The following AMD1 variants were observed in gnomAD, a reference collection of about 807,000 sequenced individuals.
AMD1 encodes adenosylmethionine decarboxylase 1, also known as S-adenosylmethionine decarboxylase proenzyme.
In AMD1, 11 loss-of-function variants were observed where a neutral mutation model predicts 40.2. That is an observed-to-expected ratio of 0.27 (90% CI 0.17 to 0.45). The LOEUF is 0.45. AMD1 is among the 20% of genes least tolerant of loss of function. The probability of loss-of-function intolerance (pLI) is 1.00; values close to 1 mark genes in which losing one functional copy is unlikely to be tolerated. For missense variants in AMD1, 257 were observed against 410.2 expected, an observed-to-expected ratio of 0.63 and a Z score of 3.23; for synonymous variants, 121 against 130.8, an observed-to-expected ratio of 0.93 and a Z score of 0.51.
the AMD1 span, among the ~76,000 whole-genome samples, chr6:110,853,262 A>G: frequency 6.6e-6 from 1 of 151,020 alleles, no homozygotes; most frequent in African/African-American, 2.4e-5. Context: ...AGCTGAGACT[A>G]CAGGTGTGTA....
the AMD1 span, among the ~76,000 whole-genome samples, chr6:110,853,011 G>A: frequency 1.2e-4 from 15 of 128,132 alleles, 1 homozygote; most frequent in South Asian, 3.7e-3. Flanking sequence ...TTTAGTGTGT[G>A]TGACTCACTT....
In AMD1 at chr6:110,880,175, T is replaced by G. The variant is rs538001587; in HGVS notation, c.110+4960T>G. On this transcript the variant is annotated intron_variant, in intron 1 of 8. Transcript: ENST00000368885. Reference sequence around the variant, plus strand: ...TTTCGCCATGTTGGCTAGGCTGGTCTTGAACTCCTGACTTCAAGTGATTGA... The same window carrying G: ...TTTCGCCATGTTGGCTAGGCTGGTCGTGAACTCCTGACTTCAAGTGATTGA... Among the ~76,000 whole-genome samples the G allele has an allele frequency of 7.7e-4, 117 of 152,318 alleles. 2 individuals are homozygous for G. In the South Asian group the frequency reaches 0.013, roughly 17 times the overall value.
chr6:110,859,077 C>T, the AMD1 span: 1 of 1,280,432 alleles, frequency 7.8e-7, no homozygotes, highest in South Asian at 1.2e-5. Context: ...CGACAGGGCT[C>T]CCTCGGGCGC....
chr6:110,826,722 C>T, the AMD1 span, among the ~76,000 whole-genome samples: 9 of 143,032 alleles, frequency 6.3e-5, 1 homozygote, highest in Non-Finnish European at 1.4e-4. Flanking sequence ...CGGAGTTTCA[C>T]TCTTGTTGGC....
the AMD1 span, among the ~76,000 whole-genome samples, chr6:110,853,123 CTTTTTTTCTTTT>C: frequency 3.4e-5 from 5 of 148,394 alleles, no homozygotes; most frequent in East Asian, 5.9e-4. Context: ...TCTTTTCTTT[CTTTTTTTCTTTT>C]TTTTTGAGAC....
the AMD1 span, among the ~76,000 whole-genome samples, chr6:110,827,487 G>A: frequency 1.3e-5 from 2 of 152,018 alleles, no homozygotes; most frequent in South Asian, 2.1e-4. Flanking sequence ...ACAAGAGGCC[G>A]GGTGTGGTGG....
At chr6:110,835,011 T>C in the AMD1 span, among the ~76,000 whole-genome samples, 9 of 146,876 alleles carry the variant, frequency 6.1e-5, no homozygotes, top group African/African-American at 2.3e-4. Context: ...CAGATAATTA[T>C]GCGGATACTA....
chr6:110,862,883 G>A, the AMD1 span, among the ~76,000 whole-genome samples: 4 of 152,266 alleles, frequency 2.6e-5, no homozygotes, highest in Admixed American at 6.5e-5. Flanking sequence ...CTTGGCTTGT[G>A]GACTTGTGGT....
At chr6:110,834,696 C>T in the AMD1 span, among the ~76,000 whole-genome samples, 1 of 151,858 alleles carries the variant, frequency 6.6e-6, no homozygotes, top group Admixed American at 6.6e-5. Flanking sequence ...CTGTGGCTCA[C>T]GTCTGTAATC....
chr6:110,880,917 C>T (rs1785376018), intron 1 of AMD1, among the ~76,000 whole-genome samples: 4 of 152,150 alleles, frequency 2.6e-5, no homozygotes, highest in African/African-American at 7.2e-5. Context: ...AGTGATCCGC[C>T]TGCCTCGGGC....
At chr6:110,833,586 C>T in the AMD1 span, among the ~76,000 whole-genome samples, 1 of 152,166 alleles carries the variant, frequency 6.6e-6, no homozygotes, top group African/African-American at 2.4e-5. Flanking sequence ...ATAAGTATAA[C>T]TCAGCATATA....
intron 1 of AMD1, among the ~76,000 whole-genome samples, chr6:110,878,337 G>C (rs1271527489): frequency 6.6e-6 from 1 of 152,154 alleles, no homozygotes; most frequent in Non-Finnish European, 1.5e-5. Context: ...ATCAGTCCAA[G>C]CTTTAATGCT....
Position 110,892,344 on chromosome 6 carries a change from G to C in AMD1, c.516G>C (p.Gln172His). 6.2e-7 allele frequency: 1 copy of C among 1,613,418 alleles called. No individual in the cohort carries two copies. The highest frequency in any genetic ancestry group is 2.2e-5 in the East Asian group (1 of 44,882). Residue 172 changes from glutamine (Q) to histidine (H), a missense_variant, in exon 6 of 9, where the codon CAG (glutamine) becomes CAC (histidine). Around this residue, in one of 3 missense-constraint regions of AMD1, gnomAD observed 192 missense variants for 296.5 expected, o/e 0.65. Coordinates refer to ENST00000368885, the MANE Select transcript of AMD1 (RefSeq NM_001634.6). ...TCCCAGAGAGTCGGGTAATCAGTCA[G>C]CCAGATCAAACCTTGGAAATTCTGA... ...LDFPESRVIS[Q>H]PDQTLEILMS...
At chr6:110,839,585 C>A in the AMD1 span, among the ~76,000 whole-genome samples, 51 of 152,268 alleles carry the variant, frequency 3.3e-4, no homozygotes, top group African/African-American at 1.2e-3. Flanking sequence ...CATGCCACTG[C>A]ACTCCAGCCT....
At chr6:110,871,023 A>G (rs1215568587), upstream of AMD1, among the ~76,000 whole-genome samples, 1 of 152,240 alleles carries the variant, frequency 6.6e-6, no homozygotes, top group East Asian at 1.9e-4. Context: ...ACCAAGAGGG[A>G]GAGAAAGAGC....
At chr6:110,843,900 T>C in the AMD1 span, among the ~76,000 whole-genome samples, 2 of 152,172 alleles carry the variant, frequency 1.3e-5, no homozygotes, top group Non-Finnish European at 2.9e-5. Flanking sequence ...TTTTCCACTT[T>C]TAAGGACCTT....
the AMD1 span, among the ~76,000 whole-genome samples, chr6:110,860,241 C>T: frequency 3.1e-3 from 475 of 152,222 alleles, 2 homozygotes; most frequent in African/African-American, 0.011. Flanking sequence ...CAGGGACCCC[C>T]ACCCAGGGGC....
At chr6:110,875,373 G>A (rs1455732581) in intron 1 of AMD1, among the ~76,000 whole-genome samples, 158 bp downstream of exon 1, 1 of 152,168 alleles carries the variant, frequency 6.6e-6, no homozygotes, top group Admixed American at 6.5e-5. Flanking sequence ...CGCGGTTTGG[G>A]GGAGAGCGGC....
chr6:110,835,597 G>A, the AMD1 span, among the ~76,000 whole-genome samples: 5 of 152,092 alleles, frequency 3.3e-5, no homozygotes, highest in Admixed American at 6.6e-5. Context: ...CGGGCGCAGT[G>A]GTTCACGCCT....
Sources: allele counts gnomAD v4.1 joint callset (sites outside exome capture counted in the v4.1 genomes callset), GRCh38; gene constraint gnomAD v4.1.1; regional missense constraint gnomAD v4.1.1; transcripts MANE v1.5; gene names NCBI Gene and HGNC (gene_info 2026-07-23, HGNC 2026-07-21).